Variants in PIGX observed in about 807,000 individuals in gnomAD.
The protein encoded by PIGX is GPI alpha-1,4-mannosyltransferase I, stabilizing subunit.
PIGX carries 24 observed loss-of-function variants against 28.7 expected under a neutral mutation model. The observed-to-expected ratio is 0.84, with a 90% CI of 0.60 to 1.17. The LOEUF is 1.17. Ranked by LOEUF, PIGX falls within the 50% of genes most tolerant of loss-of-function variation. The pLI is 0.00. For synonymous variants in PIGX, 127 were observed against 121.0 expected, an observed-to-expected ratio of 1.05 and a Z score of -0.33; for missense variants, 305 against 317.8, an observed-to-expected ratio of 0.96 and a Z score of 0.31.
intron 3 of PIGX, among the ~76,000 whole-genome samples, chr3:196,725,184 C>T (rs1289653370): frequency 6.6e-6 from 1 of 152,052 alleles, no homozygotes; most frequent in African/African-American, 2.4e-5. Flanking sequence ...TATAAAATTG[C>T]TGTTTTGTGG....
intron 2 of PIGX, among the ~76,000 whole-genome samples, chr3:196,718,133 A>G (rs565076034): frequency 6.6e-6 from 1 of 152,168 alleles, no homozygotes; most frequent in African/African-American, 2.4e-5. Flanking sequence ...ACACGGTGAA[A>G]CCCCATCTCT....
At chr3:196,731,478 G>T (rs1185759592) in intron 5 of PIGX, among the ~76,000 whole-genome samples, 1 of 151,994 alleles carries the variant, frequency 6.6e-6, no homozygotes, top group Non-Finnish European at 1.5e-5. Context: ...GTGCCCAGCT[G>T]GGATTAGCAT....
intron 1 of PIGX, among the ~76,000 whole-genome samples, chr3:196,714,124 C>T (rs1711982785): frequency 6.6e-6 from 1 of 152,114 alleles, no homozygotes; most frequent in South Asian, 2.1e-4. Context: ...GATAGCAGTC[C>T]TCACTTCCCA....
chr3:196,713,960 G>C (rs1411495020), intron 1 of PIGX, among the ~76,000 whole-genome samples: 1 of 152,006 alleles, frequency 6.6e-6, no homozygotes. Flanking sequence ...TTTAAAAATG[G>C]TACTTTTGCC....
intron 1 of PIGX, 113 bp from the exon 2 acceptor site, chr3:196,716,741 AGGTT>A (rs1560075242): frequency 2.3e-6 from 1 of 427,180 alleles, no homozygotes; most frequent in Admixed American, 4.2e-5. Context: ...TTTTGTTTTT[AGGTT>A]GGTTAGATTT....
At chr3:196,724,525 G>A (rs1409638964) in intron 3 of PIGX, among the ~76,000 whole-genome samples, 2 of 152,126 alleles carry the variant, frequency 1.3e-5, no homozygotes, top group African/African-American at 2.4e-5. Context: ...CTTTGGATGG[G>A]GATGAGATTT....
Position 196,733,745 on chromosome 3 carries a change from C to T in PIGX, c.634-14C>T, listed in dbSNP as rs762278079. The T allele has an allele frequency of 2.5e-6, 4 of 1,582,150 alleles. No homozygotes were observed. The stretch of plus-strand genomic sequence containing the variant: ...TGCATTTTCAATGTCTAACTTCTCT[C>T]TCTCTCTCCATAGGTATATAAGAAT... On this transcript the variant is annotated splice_polypyrimidine_tract_variant and intron_variant, in intron 5 of 5. Transcript: ENST00000392391. This position sits in a 1 kb window ranked among gnomAD's most constrained non-coding sequence, Gnocchi z 4.3.
chr3:196,728,180 A>G, intron 4 of PIGX, 44 bp downstream of exon 4: 1 of 1,510,822 alleles, frequency 6.6e-7, no homozygotes, highest in Non-Finnish European at 9.2e-7. Flanking sequence ...CATCAGAATA[A>G]AGGTATGGTG....
rs60317348 is a variant in PIGX, at chr3:196,735,294, C to CAAAAAAAAAAAAAAAAAAA, written c.*1404_*1422dup. 1.1e-4 allele frequency: 5 copies of CAAAAAAAAAAAAAAAAAAA among 45,234 alleles called. No individual in the cohort carries two copies. The highest frequency in any genetic ancestry group is 1.1e-4 in the Non-Finnish European group (3 of 26,188). 2.8% of individuals were successfully genotyped at this position (45,234 alleles called of 1,614,324 possible). A position where few individuals can be genotyped will look rare whatever the true frequency, so the allele number is the denominator to read the frequency against. On this transcript the variant is annotated 3_prime_UTR_variant, in exon 6 of 6. Transcript: ENST00000392391. ...TGGGCGACAGAGTGAGACTCTGTCT[C>CAAAAAAAAAAAAAAAAAAA]AAAAAAAAAAAAAAAAAAAAAAAAA...
chr3:196,715,099 A>C (rs1344103398), intron 1 of PIGX, among the ~76,000 whole-genome samples: 2 of 152,084 alleles, frequency 1.3e-5, no homozygotes, highest in African/African-American at 4.8e-5. Context: ...TAAATAAATA[A>C]AAATAAAAAA....
chr3:196,712,754 G>A (rs712004), intron 1 of PIGX, 110 bp downstream of exon 1: 360,945 of 1,103,860 alleles, frequency 0.33, 59,616 homozygotes, highest in Admixed American at 0.41. Context: ...AGATCAGTAG[G>A]GCGAGCCGGA....
intron 3 of PIGX, among the ~76,000 whole-genome samples, chr3:196,726,267 G>T (rs1712517680): frequency 6.6e-6 from 1 of 152,062 alleles, no homozygotes; most frequent in South Asian, 2.1e-4. Flanking sequence ...CTCCAGCCAG[G>T]GTGACAGAGT....
intron 3 of PIGX, among the ~76,000 whole-genome samples, chr3:196,727,714 T>G (rs1018450582): frequency 3.3e-5 from 5 of 151,340 alleles, no homozygotes; most frequent in Admixed American, 1.3e-4. Flanking sequence ...ATTTCCCCAG[T>G]TTTTTTTTAG....
intron 2 of PIGX, among the ~76,000 whole-genome samples, chr3:196,717,125 G>C (rs56196731): frequency 0.41 from 61,879 of 151,094 alleles, 12,888 homozygotes; most frequent in East Asian, 0.56. Context: ...ATAGTGAAAC[G>C]CTGTCTCTAC....
At position 196,732,239 on chromosome 3, in the gene PIGX, TATATATATATATA is replaced by T. The variant is rs1458173001; in HGVS notation, c.633+1148_633+1160del. Among the ~76,000 whole-genome samples the T allele has an allele frequency of 3.6e-4, 24 of 65,918 alleles. 3 individuals carry two copies. The highest frequency in any genetic ancestry group is 1.4e-3 in the African/African-American group (20 of 14,202). 43.2% of individuals were successfully genotyped at this position (65,918 alleles called of 152,430 possible). A position where few individuals can be genotyped will look rare whatever the true frequency, so the allele number is the denominator to read the frequency against. Reference sequence around the variant, plus strand: ...ATTTATATATATATATATATATATATATATATATATATATATATTTTATTTTATTTTATTTTTT... The same window carrying T: ...ATTTATATATATATATATATATATATTATATTTTATTTTATTTTATTTTTT... On this transcript the variant is annotated intron_variant, in intron 5 of 5. Transcript: ENST00000392391.
chr3:196,714,974 G>C (rs551120327), intron 1 of PIGX, among the ~76,000 whole-genome samples: 98 of 152,184 alleles, frequency 6.4e-4, no homozygotes, highest in Non-Finnish European at 1.2e-3. Context: ...TACTCTGGAG[G>C]CTGAGGCAGG....
At chr3:196,716,068 A>G (rs1013326820) in intron 1 of PIGX, among the ~76,000 whole-genome samples, 7 of 152,164 alleles carry the variant, frequency 4.6e-5, no homozygotes, top group Admixed American at 3.9e-4. Context: ...GCTTGAGTGC[A>G]GTGGTATAAT....
intron 5 of PIGX, among the ~76,000 whole-genome samples, chr3:196,732,310 C>T (rs1479943884): frequency 3.4e-5 from 4 of 116,930 alleles, no homozygotes; most frequent in African/African-American, 1.3e-4. Flanking sequence ...GAGACGGAGT[C>T]TCGCTCTGTT....
intron 2 of PIGX, among the ~76,000 whole-genome samples, chr3:196,718,391 T>G (rs1712186043): frequency 6.6e-6 from 1 of 152,172 alleles, no homozygotes; most frequent in Admixed American, 6.5e-5. Context: ...GTAGATAGCT[T>G]TTTATGAGTT....
Sources: allele counts gnomAD v4.1 joint callset (sites outside exome capture counted in the v4.1 genomes callset), GRCh38; gene constraint gnomAD v4.1.1; non-coding constraint Gnocchi (gnomAD v3.1); transcripts MANE v1.5; gene names NCBI Gene and HGNC (gene_info 2026-07-23, HGNC 2026-07-21).